POU2F3: variants seen among roughly 807,000 people sequenced by gnomAD.
POU2F3 encodes the protein POU class 2 homeobox 3, also known as POU domain, class 2, transcription factor 3.
A neutral mutation model predicts 59.2 loss-of-function variants in POU2F3; 23 were observed. That is an observed-to-expected ratio of 0.39 (90% CI 0.28 to 0.55). The LOEUF (loss-of-function observed/expected upper bound fraction) is 0.55. Among genes scored for constraint, POU2F3 ranks in the 20% least tolerant of loss-of-function variants. The pLI is 0.66. For missense variants in POU2F3, 473 were observed against 544.5 expected, an observed-to-expected ratio of 0.87 and a Z score of 1.31; for synonymous variants, 190 against 214.6, an observed-to-expected ratio of 0.89 and a Z score of 1.00.
chr11:120,295,017 G>C (rs753481708), intron 3 of POU2F3, among the ~76,000 whole-genome samples: 29 of 152,058 alleles, frequency 1.9e-4, no homozygotes, highest in South Asian at 1.7e-3. Context: ...TAATGCAGAG[G>C]GTTGTCAGAA....
intron 3 of POU2F3, among the ~76,000 whole-genome samples, chr11:120,278,976 A>G (rs1367110960): frequency 1.3e-5 from 2 of 152,212 alleles, no homozygotes; most frequent in African/African-American, 2.4e-5. Flanking sequence ...AGATACTATA[A>G]TAATTATAGC....
chr11:120,236,812 C>G, upstream of POU2F3: 1 of 1,177,704 alleles, frequency 8.5e-7, no homozygotes, highest in Non-Finnish European at 1.2e-6. Context: ...CCCCCTCAAC[C>G]CTATACACAG....
rs954544261 is a variant in POU2F3, at chr11:120,292,295, C to T, written c.133-5970C>T. ...CTTATTTGCTGGATGTCTTTTTTATCATCCCCATTGGGGACAGCAAAGTCC... is the reference window on the plus strand; with the variant it reads ...CTTATTTGCTGGATGTCTTTTTTATTATCCCCATTGGGGACAGCAAAGTCC... On this transcript the variant is annotated intron_variant, in intron 3 of 12. Transcript: ENST00000543440. Among the ~76,000 whole-genome samples the T allele has an allele frequency of 4.6e-5, 7 of 152,246 alleles. No homozygotes were observed. In the East Asian group the frequency reaches 1.4e-3, roughly 29 times the overall value.
intron 3 of POU2F3, among the ~76,000 whole-genome samples, chr11:120,281,803 C>A: frequency 6.6e-6 from 1 of 152,110 alleles, no homozygotes; most frequent in East Asian, 1.9e-4. Context: ...TCCACCAACA[C>A]AATCTGTGTA....
rs538708409 is a variant in POU2F3, at chr11:120,253,170, AC to A, written c.97+6655del. Among the ~76,000 whole-genome samples, 836 of 152,230 alleles carry A rather than the reference AC, an allele frequency of 5.5e-3. 5 individuals carry two copies. Among genetic ancestry groups the A allele is most frequent in the Middle Eastern group, 0.027 (8 of 294 alleles). ...GCCCGACAGCCTGCAGCTTGCACTT[AC>A]CATGCGTACTCAACAGCACCAAATG... On this transcript the variant is annotated intron_variant, in intron 2 of 12. Coordinates refer to ENST00000543440, the MANE Select transcript of POU2F3 (RefSeq NM_014352.4).
chr11:120,313,645 G>A (rs1164521181), intron 10 of POU2F3, among the ~76,000 whole-genome samples: 1 of 152,212 alleles, frequency 6.6e-6, no homozygotes, highest in Non-Finnish European at 1.5e-5. Context: ...GTATATGTCT[G>A]TTCGCATATG....
intron 2 of POU2F3, among the ~76,000 whole-genome samples, chr11:120,260,453 A>G (rs1939546184): frequency 6.6e-6 from 1 of 151,966 alleles, no homozygotes; most frequent in Non-Finnish European, 1.5e-5. Context: ...GACACTGGGC[A>G]CCTCCTCCAT....
intron 2 of POU2F3, chr11:120,254,712 A>G (rs1939263651): frequency 6.6e-6 from 1 of 152,398 alleles, no homozygotes; most frequent in Non-Finnish European, 1.5e-5. Context: ...GTTCTCCCAC[A>G]TTGGAGCCTG....
intron 3 of POU2F3, among the ~76,000 whole-genome samples, chr11:120,276,972 A>AC (rs1216710031): frequency 5.9e-5 from 9 of 152,110 alleles, no homozygotes; most frequent in African/African-American, 4.8e-5. Flanking sequence ...ACATGGTGAA[A>AC]CCCCACCTCT....
At chr11:120,252,907 C>T (rs996343560) in intron 2 of POU2F3, among the ~76,000 whole-genome samples, 5 of 152,156 alleles carry the variant, frequency 3.3e-5, no homozygotes, top group Non-Finnish European at 7.3e-5. Context: ...CACCCCTCGA[C>T]CCCAGTTGCC....
chr11:120,317,104 G>C, intron 11 of POU2F3, 125 bp from the exon 12 acceptor site: 1 of 1,146,078 alleles, frequency 8.7e-7, no homozygotes, highest in Non-Finnish European at 1.3e-6. Context: ...GGTGGGTGTG[G>C]CTAGGGAGAG....
chr11:120,274,158 A>AGGAAGGAAGGAC, intron 3 of POU2F3, among the ~76,000 whole-genome samples: 1 of 150,464 alleles, frequency 6.6e-6, no homozygotes, highest in African/African-American at 2.4e-5. Context: ...GAAGGAAGGA[A>AGGAAGGAAGGAC]ATGCACACAA....
intron 9 of POU2F3, among the ~76,000 whole-genome samples, chr11:120,308,602 T>G (rs1334285984): frequency 2.0e-5 from 3 of 152,086 alleles, no homozygotes; most frequent in Admixed American, 1.3e-4. Flanking sequence ...CCACATGTTT[T>G]AGCTTTCTCA....
intron 4 of POU2F3, among the ~76,000 whole-genome samples, chr11:120,298,969 G>A (rs1302151568): frequency 6.6e-6 from 1 of 152,142 alleles, no homozygotes; most frequent in African/African-American, 2.4e-5. Flanking sequence ...TCTTCTCTAT[G>A]TGCACAAACC....
chr11:120,299,638 C>A lies in POU2F3; in HGVS notation c.273C>A (p.Leu91=). 1.2e-6 allele frequency: 2 copies of A among 1,613,738 alleles called. No individual in the cohort carries two copies. Among genetic ancestry groups the A allele is most frequent in the Non-Finnish European group, 1.7e-6 (2 of 1,179,870 alleles). The part of the protein sequence containing the change: ...NASPCQDMAS[L]HPLQQLVLVP... ...TCCGTGTGTAGGACATGGCTTCCCT[C>A]CATCCGCTCCAGCAGCTTGTGCTGG... The change falls in exon 5 of 13, where the codon CTC becomes CTA. Residue 91 remains leucine, a synonymous_variant. Coordinates refer to ENST00000543440, the MANE Select transcript of POU2F3 (RefSeq NM_014352.4).
chr11:120,270,291 C>T (rs532003764), intron 3 of POU2F3, among the ~76,000 whole-genome samples: 8 of 152,044 alleles, frequency 5.3e-5, no homozygotes, highest in South Asian at 4.2e-4. Context: ...AGTATAAGGA[C>T]GGGGTGGAAT....
chr11:120,237,061 A>C (rs1479911607), upstream of POU2F3, among the ~76,000 whole-genome samples: 3 of 152,146 alleles, frequency 2.0e-5, no homozygotes, highest in African/African-American at 7.2e-5. Context: ...CAGGACTAAA[A>C]TCCTGGCTTT....
intron 3 of POU2F3, among the ~76,000 whole-genome samples, chr11:120,286,403 C>T (rs558404747): frequency 4.1e-4 from 63 of 152,310 alleles, no homozygotes; most frequent in Admixed American, 6.5e-4. Flanking sequence ...GAGATCCAGG[C>T]GGGCCAGAGC....
intron 2 of POU2F3, among the ~76,000 whole-genome samples, chr11:120,264,801 G>C (rs1275007576): frequency 6.6e-6 from 1 of 152,174 alleles, no homozygotes; most frequent in African/African-American, 2.4e-5. Context: ...TCCAGTCCAG[G>C]ACTCTTTCTA....
Sources: allele counts gnomAD v4.1 joint callset (sites outside exome capture counted in the v4.1 genomes callset), GRCh38; gene constraint gnomAD v4.1.1; transcripts MANE v1.5; gene names NCBI Gene and HGNC (gene_info 2026-07-23, HGNC 2026-07-21).